The following LMNTD1 variants were observed in gnomAD, a reference collection of about 807,000 sequenced individuals.
LMNTD1 encodes the protein lamin tail domain containing 1.
A neutral mutation model predicts 50.9 loss-of-function variants in LMNTD1; 35 were observed. That is an observed-to-expected ratio of 0.69 (90% CI 0.53 to 0.91). The LOEUF is 0.91. LMNTD1 is among the 40% of genes least tolerant of loss of function. LMNTD1 has a pLI of 0.00. For synonymous variants in LMNTD1, 153 were observed against 161.9 expected (o/e 0.94, Z 0.42); for missense variants, 470 against 475.5 (o/e 0.99, Z 0.11).
chr12:25,527,659 TATATATATATATATATATATATAC>T (rs1271395510), intron 4 of LMNTD1, among the ~76,000 whole-genome samples: 5 of 23,984 alleles, frequency 2.1e-4, no homozygotes, highest in Admixed American at 5.6e-4. Context: ...TATATATATA[TATATATATATATATATATATATAC>T]ACACACACAC....
At chr12:25,488,769 A>G (rs574133830) in intron 9 of LMNTD1, among the ~76,000 whole-genome samples, 58 of 152,212 alleles carry the variant, frequency 3.8e-4, no homozygotes, top group Admixed American at 1.8e-3. Flanking sequence ...GGTTTTATCT[A>G]CTTTTGGTCT....
chr12:25,515,458 T>C (rs1425942785), intron 8 of LMNTD1, among the ~76,000 whole-genome samples: 2 of 151,908 alleles, frequency 1.3e-5, no homozygotes, highest in Non-Finnish European at 2.9e-5. Flanking sequence ...TATATATATA[T>C]GGATCCATAT....
At chr12:25,601,253 G>A (rs1282363624) in intron 1 of LMNTD1, among the ~76,000 whole-genome samples, 1 of 151,788 alleles carries the variant, frequency 6.6e-6, no homozygotes, top group Non-Finnish European at 1.5e-5. Flanking sequence ...AATCAAAACA[G>A]TTGATCTCAG....
chr12:25,600,216 A>G (rs1945933373), intron 1 of LMNTD1, among the ~76,000 whole-genome samples: 1 of 152,084 alleles, frequency 6.6e-6, no homozygotes, highest in Non-Finnish European at 1.5e-5. Context: ...TCTCTTCAAT[A>G]AATTGTGCTG....
intron 1 of LMNTD1, among the ~76,000 whole-genome samples, chr12:25,631,683 C>A (rs912461179): frequency 9.2e-5 from 14 of 152,172 alleles, no homozygotes; most frequent in Non-Finnish European, 1.8e-4. Flanking sequence ...TCTGACAGAG[C>A]CTACCCAAAT....
chr12:25,612,328 A>ACACACACG (rs34069424), intron 1 of LMNTD1, among the ~76,000 whole-genome samples: 2,275 of 146,514 alleles, frequency 0.016, 28 homozygotes, highest in Non-Finnish European at 0.021. Context: ...ACACACACAC[A>ACACACACG]CGCGCTCCCA....
chr12:25,622,464 C>CG (rs1194410303), intron 1 of LMNTD1, among the ~76,000 whole-genome samples: 1 of 111,762 alleles, frequency 8.9e-6, no homozygotes, highest in Non-Finnish European at 2.0e-5. Flanking sequence ...AGTTTGTGAG[C>CG]CCGCCCCCCC....
intron 1 of LMNTD1, among the ~76,000 whole-genome samples, chr12:25,629,723 CA>C (rs1413578151): frequency 6.6e-6 from 1 of 152,008 alleles, no homozygotes; most frequent in Admixed American, 6.6e-5. Context: ...TGATAGTGAG[CA>C]ATTAAGTTTA....
At chr12:25,476,795 C>A (rs577046923) in intron 9 of LMNTD1, among the ~76,000 whole-genome samples, 11 of 152,192 alleles carry the variant, frequency 7.2e-5, no homozygotes, top group African/African-American at 2.4e-4. Context: ...GCACACTGGG[C>A]AGAACTCCTG....
At chr12:25,545,919 T>A (rs768250460) in intron 4 of LMNTD1, among the ~76,000 whole-genome samples, 1 of 151,678 alleles carries the variant, frequency 6.6e-6, no homozygotes, top group Non-Finnish European at 1.5e-5. Context: ...CATAACTCTT[T>A]TATTTTAGTC....
chr12:25,591,854 A>AGAGAGAGAGG (rs1246172417), intron 1 of LMNTD1, among the ~76,000 whole-genome samples: 2 of 148,034 alleles, frequency 1.4e-5, no homozygotes, highest in South Asian at 2.1e-4. Context: ...AGAGAGAGAG[A>AGAGAGAGAGG]GAGACTCTAT....
intron 1 of LMNTD1, among the ~76,000 whole-genome samples, chr12:25,574,643 C>T (rs1944928687): frequency 6.6e-6 from 1 of 152,164 alleles, no homozygotes; most frequent in South Asian, 2.1e-4. Context: ...CATGGGGGCA[C>T]ACTTGCTATT....
chr12:25,550,402 A>G (rs1943679862), intron 2 of LMNTD1, among the ~76,000 whole-genome samples: 1 of 152,298 alleles, frequency 6.6e-6, no homozygotes, highest in East Asian at 1.9e-4. Context: ...TTGTGGGTGC[A>G]TGTGTGTATG....
chr12:25,498,843 T>C lies in LMNTD1; in HGVS notation c.*22+4895A>G, dbSNP rs1939218273. 3.3e-5 allele frequency among the ~76,000 whole-genome samples: 5 copies of C among 152,202 alleles called. 1 individual carries two copies. In the South Asian group the frequency reaches 1.0e-3, roughly 32 times the overall value. On this transcript the variant is annotated intron_variant, in intron 9 of 9. Transcript: ENST00000458174. ...TGTGTGATGAAGGTTGGTTGCAACA[T>C]GCTAGGCATCTTCATTTTCTCTAGA...
intron 1 of LMNTD1, among the ~76,000 whole-genome samples, chr12:25,609,126 T>G (rs1167753183): frequency 1.3e-5 from 2 of 152,242 alleles, no homozygotes; most frequent in East Asian, 3.8e-4. Flanking sequence ...CTACTGAAGC[T>G]TGTGCATGCA....
rs183165281 is a variant in LMNTD1 at position 25,509,210 on chromosome 12, C to T, written c.1190-5410G>A. On this transcript the variant is annotated intron_variant, in intron 8 of 9. Coordinates refer to ENST00000458174, the MANE Select transcript of LMNTD1 (RefSeq NM_001145728.2). ...GCAACCTCCGCCTCCCAGGTTCAAG[C>T]GATTCTCCTGCCTCAGCCTCCAGAG... 6.1e-3 allele frequency among the ~76,000 whole-genome samples: 932 copies of T among 152,234 alleles called. 9 individuals are homozygous for T. Among genetic ancestry groups the T allele is most frequent in the African/African-American group, 0.021 (859 of 41,536 alleles).
intron 1 of LMNTD1, among the ~76,000 whole-genome samples, chr12:25,585,119 C>T (rs1945466236): frequency 6.6e-6 from 1 of 152,170 alleles, no homozygotes; most frequent in East Asian, 1.9e-4. Context: ...AAAATAAACA[C>T]CCGAGTCTGA....
At chr12:25,566,774 G>T (rs1944575091) in intron 1 of LMNTD1, among the ~76,000 whole-genome samples, 2 of 152,192 alleles carry the variant, frequency 1.3e-5, no homozygotes, top group South Asian at 4.1e-4. Context: ...ATCATTGTTT[G>T]ATGATAGCAA....
At chr12:25,482,624 C>T (rs1591815678) in intron 9 of LMNTD1, among the ~76,000 whole-genome samples, 1 of 151,942 alleles carries the variant, frequency 6.6e-6, no homozygotes, top group Non-Finnish European at 1.5e-5. Context: ...CAAGTGGCTG[C>T]TCCTAAAATG....
Sources: allele counts gnomAD v4.1 joint callset (sites outside exome capture counted in the v4.1 genomes callset), GRCh38; gene constraint gnomAD v4.1.1; transcripts MANE v1.5; gene names NCBI Gene and HGNC (gene_info 2026-07-23, HGNC 2026-07-21).